Variants in DPP4 observed in about 807,000 individuals in gnomAD.
DPP4 encodes dipeptidyl peptidase 4.
In DPP4, 93 loss-of-function variants were observed where a neutral mutation model predicts 122.4. The ratio of observed to expected loss-of-function variants is 0.76; its 90% CI spans 0.64 to 0.90. The LOEUF (loss-of-function observed/expected upper bound fraction) is 0.90, where lower values mean the gene tolerates loss of function less well. DPP4 is among the 40% of genes least tolerant of loss of function. DPP4 has a pLI of 0.00. For synonymous variants in DPP4, 321 were observed against 302.9 expected (o/e 1.06, Z -0.62); for missense variants, 914 against 907.3 (o/e 1.01, Z -0.09).
At chr2:162,021,249 A>T (rs562027899) in intron 12 of DPP4, among the ~76,000 whole-genome samples, 1 of 152,348 alleles carries the variant, frequency 6.6e-6, no homozygotes, top group East Asian at 1.9e-4. Flanking sequence ...ATATGAAAAC[A>T]TTCATATAGT....
intron 8 of DPP4, 25 bp downstream of exon 8, chr2:162,038,277 T>C (rs201048676): frequency 4.0e-5 from 61 of 1,517,734 alleles, no homozygotes; most frequent in Non-Finnish European, 5.1e-5. Flanking sequence ...GATTTTCTGA[T>C]TTGAAAAAGC....
intron 2 of DPP4, among the ~76,000 whole-genome samples, chr2:162,064,588 T>G (rs533519535): frequency 6.6e-6 from 1 of 152,250 alleles, no homozygotes; most frequent in Non-Finnish European, 1.5e-5. Flanking sequence ...ATGTTGACTA[T>G]TTCTACCACT....
At chr2:162,028,553 G>A (rs970132255) in intron 10 of DPP4, among the ~76,000 whole-genome samples, 1 of 152,106 alleles carries the variant, frequency 6.6e-6, no homozygotes, top group Non-Finnish European at 1.5e-5. Flanking sequence ...GGTAGAAGAG[G>A]GACCACCCCT....
chr2:162,046,797 T>G (rs750029020), intron 4 of DPP4, 118 bp downstream of exon 4: 2 of 739,042 alleles, frequency 2.7e-6, no homozygotes, highest in Non-Finnish European at 4.9e-6. Flanking sequence ...AGATCCACTT[T>G]GCCATATGCT....
At chr2:162,059,486 G>T (rs867777036) in intron 2 of DPP4, among the ~76,000 whole-genome samples, 1 of 152,158 alleles carries the variant, frequency 6.6e-6, no homozygotes, top group Non-Finnish European at 1.5e-5. Context: ...TTTAGCAAAG[G>T]GCTAGTTTCT....
chr2:162,046,876 A>G, intron 4 of DPP4, 39 bp downstream of exon 4: 1 of 1,341,310 alleles, frequency 7.5e-7, no homozygotes, highest in Non-Finnish European at 1.1e-6. Flanking sequence ...AAAAATCCCC[A>G]GAATTCTATG....
intron 2 of DPP4, among the ~76,000 whole-genome samples, chr2:162,052,993 GA>G (rs1684435326): frequency 6.6e-6 from 1 of 152,014 alleles, no homozygotes; most frequent in East Asian, 1.9e-4. Context: ...TCCGGCAGAA[GA>G]AAAAAATGTA....
chr2:162,056,325 A>G (rs1351148671), intron 2 of DPP4, among the ~76,000 whole-genome samples: 1 of 152,184 alleles, frequency 6.6e-6, no homozygotes. Context: ...AGTGCCTGGT[A>G]TACAGTAGAC....
At chr2:162,044,835 G>A (rs1445825393) in intron 5 of DPP4, among the ~76,000 whole-genome samples, 1 of 152,162 alleles carries the variant, frequency 6.6e-6, no homozygotes, top group Non-Finnish European at 1.5e-5. Context: ...TCTGTGGTGA[G>A]GCTCTCCTCC....
At position 162,039,151 on chromosome 2, in the gene DPP4, T is replaced by C. The variant is rs199969667; in HGVS notation, c.400A>G (p.Ile134Val). The stretch of plus-strand genomic sequence containing the variant: ...ACTGACCTTTTATTTAAATCATAAA[T>C]GTCATATGAAGCTGTGTAGGAATGC... ...WRHSYTASYDIYDLNKRQLIT... is the reference protein window; with the variant it reads ...WRHSYTASYDVYDLNKRQLIT... Residue 134 changes from isoleucine (I) to valine (V), a missense_variant, in exon 6 of 26, where the codon ATT (isoleucine) becomes GTT (valine). Transcript: ENST00000360534. 6 of 1,612,862 alleles carry C rather than the reference T, an allele frequency of 3.7e-6. No homozygotes were observed. The highest frequency in any genetic ancestry group is 4.2e-6 in the Non-Finnish European group (5 of 1,179,360).
intron 18 of DPP4, 69 bp downstream of exon 18, chr2:162,016,699 T>A: frequency 3.1e-6 from 3 of 971,118 alleles, no homozygotes; most frequent in Non-Finnish European, 4.5e-6. Flanking sequence ...TATTTTCAGA[T>A]CGAATTACTA....
At chr2:162,001,102 A>G (rs1232885050) in intron 23 of DPP4, among the ~76,000 whole-genome samples, 1 of 152,126 alleles carries the variant, frequency 6.6e-6, no homozygotes, top group East Asian at 1.9e-4. Flanking sequence ...AATGATTCAG[A>G]TAAGTGCCCT....
At chr2:162,018,616 G>A (rs747419497) in intron 16 of DPP4, 113 bp downstream of exon 16, 1 of 1,343,964 alleles carries the variant, frequency 7.4e-7, no homozygotes, top group Non-Finnish European at 1.0e-6. Flanking sequence ...TGAGTGGAGA[G>A]AAGGGGACTT....
intron 8 of DPP4, among the ~76,000 whole-genome samples, chr2:162,037,711 G>A (rs771755684): frequency 1.1e-4 from 16 of 151,982 alleles, no homozygotes; most frequent in East Asian, 1.9e-4. Flanking sequence ...TAATAGTTTC[G>A]ACAACTCTGT....
At chr2:162,029,450 G>T (rs79141772) in intron 10 of DPP4, among the ~76,000 whole-genome samples, 1 of 152,186 alleles carries the variant, frequency 6.6e-6, no homozygotes, top group Non-Finnish European at 1.5e-5. Flanking sequence ...TCCCAGGTTC[G>T]CTGACAAATC....
intron 19 of DPP4, among the ~76,000 whole-genome samples, chr2:162,013,061 T>C (rs984999078): frequency 1.6e-4 from 25 of 151,878 alleles, no homozygotes; most frequent in African/African-American, 5.8e-4. Context: ...TTAAATTTGG[T>C]AGATTAAGAG....
chr2:162,025,196 G>A (rs565253154), intron 10 of DPP4, among the ~76,000 whole-genome samples: 2 of 152,088 alleles, frequency 1.3e-5, no homozygotes, highest in African/African-American at 2.4e-5. Context: ...CTTAACATGC[G>A]TGACTCAAAC....
At position 161,992,444 on chromosome 2, in the gene DPP4, T is replaced by C. The variant is rs1376116875; in HGVS notation, c.*839A>G. 2 of 152,688 alleles carry C rather than the reference T, an allele frequency of 1.3e-5. No homozygotes were observed. The highest frequency in any genetic ancestry group is 4.8e-5 in the African/African-American group (2 of 41,468). 9.5% of individuals were successfully genotyped at this position (152,688 alleles called of 1,614,324 possible). A position where few individuals can be genotyped will look rare whatever the true frequency, so the allele number is the denominator to read the frequency against. ...ATGCAAGGACTCCTTCAAGTTAAGATTTGTGATACAAATATTTTCATCTTT... is the reference window on the plus strand; with the variant it reads ...ATGCAAGGACTCCTTCAAGTTAAGACTTGTGATACAAATATTTTCATCTTT... On this transcript the variant is annotated 3_prime_UTR_variant, in exon 26 of 26. Transcript: ENST00000360534.
At chr2:162,062,445 C>A (rs1684807057) in intron 2 of DPP4, among the ~76,000 whole-genome samples, 1 of 152,156 alleles carries the variant, frequency 6.6e-6, no homozygotes, top group Admixed American at 6.5e-5. Context: ...TTGCTGAGTT[C>A]TCTGTTCAAA....
Sources: allele counts gnomAD v4.1 joint callset (sites outside exome capture counted in the v4.1 genomes callset), GRCh38; gene constraint gnomAD v4.1.1; transcripts MANE v1.5; gene names NCBI Gene and HGNC (gene_info 2026-07-23, HGNC 2026-07-21).